Variants in WWP2 observed in about 807,000 individuals in gnomAD.
WWP2 encodes the protein WW domain containing E3 ubiquitin protein ligase 2.
Under a neutral mutation model 121.0 loss-of-function variants are expected in WWP2, and 57 were observed. The observed-to-expected ratio is 0.47, with a 90% CI of 0.38 to 0.59. The LOEUF (loss-of-function observed/expected upper bound fraction) is 0.59. Among genes scored for constraint, WWP2 ranks in the 20% least tolerant of loss-of-function variants. The pLI is 0.00. For missense variants in WWP2, 962 were observed against 1,158.9 expected (o/e 0.83, Z 2.47); for synonymous variants, 449 against 441.3 (o/e 1.02, Z -0.22).
At chr16:69,857,676 T>C (rs1275605503) in intron 6 of WWP2, among the ~76,000 whole-genome samples, 1 of 148,698 alleles carries the variant, frequency 6.7e-6, no homozygotes, top group African/African-American at 2.5e-5. Flanking sequence ...TTTTTTTTTT[T>C]TTTGAGACAG....
intron 7 of WWP2, among the ~76,000 whole-genome samples, chr16:69,884,810 T>G (rs1227036844): frequency 6.6e-6 from 1 of 152,198 alleles, no homozygotes; most frequent in Admixed American, 6.5e-5. Context: ...CTGCCTTTTC[T>G]TTACAAACTG....
At chr16:69,938,316 TTTAAG>T (rs1335843261) in intron 21 of WWP2, among the ~76,000 whole-genome samples, 2 of 152,124 alleles carry the variant, frequency 1.3e-5, no homozygotes, top group African/African-American at 4.8e-5. Flanking sequence ...GCCCAACCCA[TTTAAG>T]TTTTTTAAGA....
chr16:69,827,304 A>C (rs1362658047), intron 4 of WWP2, among the ~76,000 whole-genome samples: 1 of 151,598 alleles, frequency 6.6e-6, no homozygotes. Context: ...GATTTTAGTA[A>C]TAGGGTGCAT....
rs546926662 is a variant in WWP2, at chr16:69,918,883, GC to G, written c.1179+1003del. On this transcript the variant is annotated intron_variant, in intron 10 of 23. Transcript: ENST00000359154. ...TTTTGAGATGGAGTCTTGCTCTGTT[GC>G]CCATGCTGGAGTGCAGTGGCACAAT... Among the ~76,000 whole-genome samples, 109 of 117,458 alleles carry G rather than the reference GC, an allele frequency of 9.3e-4. 2 individuals carry two copies. The South Asian group carries it at 0.028, about 30-fold the overall frequency. The allele number at this position is 117,458 out of a possible 152,430, so 77.1% of individuals were successfully genotyped here.
Position 69,925,474 on chromosome 16 carries a change from T to G in WWP2, c.1224T>G (p.Pro408=). The G allele has an allele frequency of 6.2e-7, 1 of 1,613,414 alleles. No individual in the cohort carries two copies. The highest frequency in any genetic ancestry group is 2.2e-5 in the East Asian group (1 of 44,790). Residue 408 remains proline (P), a synonymous_variant, in exon 11 of 24, where the codon CCT becomes CCG. Coordinates refer to ENST00000359154, the MANE Select transcript of WWP2 (RefSeq NM_001270454.2). This position sits in a 1 kb window ranked among gnomAD's most constrained non-coding sequence, Gnocchi z 4.0. ...STDHDPLGPL[P]PGWEKRQDNG... ...ACCATGATCCCCTGGGCCCCCTCCC[T>G]CCTGGCTGGGGTAAGTACTGAGTTC...
intron 9 of WWP2, chr16:69,909,349 C>G: frequency 1.0e-6 from 1 of 986,368 alleles, no homozygotes; most frequent in South Asian, 4.7e-5. Flanking sequence ...AAAGAATCAC[C>G]TCCCAGTAAA....
At chr16:69,844,672 C>T (rs1178193291) in intron 6 of WWP2, among the ~76,000 whole-genome samples, 1 of 152,164 alleles carries the variant, frequency 6.6e-6, no homozygotes, top group Admixed American at 6.5e-5. Flanking sequence ...AACAGGAAAT[C>T]GGATGCATTT....
intron 6 of WWP2, among the ~76,000 whole-genome samples, chr16:69,865,277 C>T (rs891153977): frequency 4.0e-5 from 6 of 150,246 alleles, no homozygotes; most frequent in South Asian, 2.1e-4. Flanking sequence ...CTCGAACTCC[C>T]GACCTCAGGT....
chr16:69,919,410 G>A (rs1472288606), intron 10 of WWP2, among the ~76,000 whole-genome samples: 2 of 152,072 alleles, frequency 1.3e-5, no homozygotes, highest in Non-Finnish European at 2.9e-5. Flanking sequence ...CAGGTAATCC[G>A]CCCACCTTGG....
chr16:69,774,982 A>G (rs1358355202), intron 1 of WWP2: 1 of 149,732 alleles, frequency 6.7e-6, no homozygotes, highest in Non-Finnish European at 1.5e-5. Flanking sequence ...AAAAAAAAAA[A>G]GAAAAGAAAA....
Position 69,937,049 on chromosome 16 carries a change from C to G in WWP2, c.2118-69C>G. The G allele has an allele frequency of 6.4e-7, 1 of 1,570,838 alleles. No individual in the cohort carries two copies. Among genetic ancestry groups the G allele is most frequent in the Non-Finnish European group, 8.6e-7 (1 of 1,156,166 alleles). On this transcript the variant is annotated intron_variant, in intron 19 of 23. Coordinates refer to ENST00000359154, the MANE Select transcript of WWP2 (RefSeq NM_001270454.2). The surrounding 1 kb of genome is among the most constrained non-coding windows in gnomAD (Gnocchi z 6.6). ...GTGGTCCTGCGCGGTAACGGCCACGCGGCCTGGCCGGGAGCCACCCCTGAG... is the reference window on the plus strand; with the variant it reads ...GTGGTCCTGCGCGGTAACGGCCACGGGGCCTGGCCGGGAGCCACCCCTGAG...
rs146520135 is a variant in WWP2, at chr16:69,790,120, G to A, written c.70+3040G>A. Reference sequence around the variant, plus strand: ...AAATTAGCCAGGCGTGGTGGCAGGCGCATGTAATCCCAGCTACTTGGGAGG... The same window carrying A: ...AAATTAGCCAGGCGTGGTGGCAGGCACATGTAATCCCAGCTACTTGGGAGG... On this transcript the variant is annotated intron_variant, in intron 2 of 23. Transcript: ENST00000359154. Among the ~76,000 whole-genome samples the A allele has an allele frequency of 2.8e-3, 426 of 152,232 alleles. 2 individuals are homozygous for A. The highest frequency in any genetic ancestry group is 6.2e-3 in the African/African-American group (257 of 41,540).
At chr16:69,770,014 G>A (rs1308945205) in intron 1 of WWP2, among the ~76,000 whole-genome samples, 7 of 151,814 alleles carry the variant, frequency 4.6e-5, no homozygotes, top group African/African-American at 1.5e-4. Flanking sequence ...GGCACATGCC[G>A]TCATACCCAG....
At chr16:69,815,884 A>C (rs2056480925) in intron 4 of WWP2, among the ~76,000 whole-genome samples, 1 of 151,690 alleles carries the variant, frequency 6.6e-6, no homozygotes, top group Non-Finnish European at 1.5e-5. Flanking sequence ...TTTCTTTCTG[A>C]GTAGCTAAGA....
intron 6 of WWP2, among the ~76,000 whole-genome samples, chr16:69,847,079 A>G (rs1221616960): frequency 6.9e-6 from 1 of 145,532 alleles, no homozygotes; most frequent in Non-Finnish European, 1.5e-5. Context: ...TCTTTTTATT[A>G]TTTATTTATT....
At chr16:69,840,463 A>T (rs2056957421) in intron 5 of WWP2, among the ~76,000 whole-genome samples, 200 bp downstream of exon 5, 1 of 152,238 alleles carries the variant, frequency 6.6e-6, no homozygotes, top group Non-Finnish European at 1.5e-5. Flanking sequence ...GTAAATGTCC[A>T]GTCTTTGTAA....
chr16:69,893,886 C>T (rs1317339573), intron 8 of WWP2, among the ~76,000 whole-genome samples: 1 of 152,114 alleles, frequency 6.6e-6, no homozygotes, highest in South Asian at 2.1e-4. Context: ...GCTCTTCCTG[C>T]ACTGGCAGAT....
At chr16:69,930,288 T>G in intron 13 of WWP2, 30 bp downstream of exon 13, 1 of 1,609,834 alleles carries the variant, frequency 6.2e-7, no homozygotes, top group Middle Eastern at 1.7e-4. Context: ...AGCAGCAGTG[T>G]CAGGAGCCGA....
intron 4 of WWP2, among the ~76,000 whole-genome samples, chr16:69,824,712 A>G (rs1159509087): frequency 1.3e-5 from 2 of 151,548 alleles, no homozygotes; most frequent in African/African-American, 4.9e-5. Context: ...ATTACAAGTG[A>G]AAAATCAAAG....
Sources: allele counts gnomAD v4.1 joint callset (sites outside exome capture counted in the v4.1 genomes callset), GRCh38; gene constraint gnomAD v4.1.1; non-coding constraint Gnocchi (gnomAD v3.1); transcripts MANE v1.5; gene names NCBI Gene and HGNC (gene_info 2026-07-23, HGNC 2026-07-21).